The following HECW2 variants were observed in gnomAD, a reference collection of about 807,000 sequenced individuals.
HECW2 encodes HECT, C2 and WW domain containing E3 ubiquitin protein ligase 2, also known as E3 ubiquitin-protein ligase HECW2.
In HECW2, 61 loss-of-function variants were observed where a neutral mutation model predicts 175.2. The observed-to-expected ratio is 0.35, with a 90% confidence interval of 0.28 to 0.43. HECW2 has a LOEUF of 0.43. HECW2 is among the 20% of genes least tolerant of loss of function. HECW2 has a pLI of 1.00. For synonymous variants in HECW2, 671 were observed against 731.0 expected, an observed-to-expected ratio of 0.92 and a Z score of 1.32; for missense variants, 1,524 against 2,000.5, an observed-to-expected ratio of 0.76 and a Z score of 4.54.
chr2:196,225,760 A>G lies in HECW2; in HGVS notation c.4016+12T>C, dbSNP rs1426186353. 2 of 1,529,324 alleles carry G rather than the reference A, an allele frequency of 1.3e-6. No individual in the cohort carries two copies. Among genetic ancestry groups the G allele is most frequent in the Non-Finnish European group, 1.8e-6 (2 of 1,103,632 alleles). The allele number at this position is 1,529,324 out of a possible 1,614,324, so 94.7% of individuals were successfully genotyped here. ...TACATGCTAATTATGCAGGCAATAA[A>G]AATATTCTTACATTCTGAGAAGAGC... On this transcript the variant is annotated intron_variant, in intron 23 of 28. Coordinates refer to ENST00000644978, the MANE Select transcript of HECW2 (RefSeq NM_001348768.2).
chr2:196,240,633 C>G (rs1414257501), intron 20 of HECW2, 71 bp from the exon 21 acceptor site: 2 of 1,324,272 alleles, frequency 1.5e-6, no homozygotes, highest in Non-Finnish European at 2.0e-6. Flanking sequence ...ACTTATCTTT[C>G]TAGAACATTT....
intron 3 of HECW2, among the ~76,000 whole-genome samples, chr2:196,342,000 AG>A (rs781357664): frequency 3.9e-5 from 6 of 152,236 alleles, no homozygotes; most frequent in Non-Finnish European, 8.8e-5. Context: ...TTTAAGTACT[AG>A]TACCCACACA....
At chr2:196,358,432 G>A (rs1693459943) in intron 2 of HECW2, among the ~76,000 whole-genome samples, 1 of 151,514 alleles carries the variant, frequency 6.6e-6, no homozygotes, top group Non-Finnish European at 1.5e-5. Flanking sequence ...AAAATTAGCT[G>A]GGCATGGTGG....
chr2:196,292,582 G>A lies in HECW2; in HGVS notation c.2983C>T (p.His995Tyr), dbSNP rs767370968. Residue 995 changes from histidine to tyrosine, a missense_variant, in exon 14 of 29, where the codon CAT becomes TAT. Transcript: ENST00000644978. ...CGTGTTACCTTGCCCTGGTGATCATGTTTCATTTCCCATCCCCGCGGCAGC... is the reference window on the plus strand; with the variant it reads ...CGTGTTACCTTGCCCTGGTGATCATATTTCATTTCCCATCCCCGCGGCAGC... ...LELPRGWEMKHDHQGKAFFVD... is the reference protein window; with the variant it reads ...LELPRGWEMKYDHQGKAFFVD... 6.2e-7 allele frequency: 1 copy of A among 1,613,534 alleles called. No homozygotes were observed. The highest frequency in any genetic ancestry group is 1.1e-5 in the South Asian group (1 of 91,044).
intron 17 of HECW2, among the ~76,000 whole-genome samples, chr2:196,261,870 A>G (rs140734742): frequency 6.6e-6 from 1 of 152,348 alleles, no homozygotes; most frequent in African/African-American, 2.4e-5. Flanking sequence ...TTCCTTTTAG[A>G]GTGGAAAAAT....
In HECW2 at chr2:196,318,799, C is replaced by A. The variant is rs754361809; in HGVS notation, c.2091G>T (p.Ser697=). Residue 697 remains serine (S), a synonymous_variant, in exon 9 of 29, where the codon TCG becomes TCT. Coordinates refer to ENST00000644978, the MANE Select transcript of HECW2 (RefSeq NM_001348768.2). ...EPTSSGPAEG[S]QESVCTAGSL... ...AACCAGCAGTGCACACGGATTCCTG[C>A]GACCCTTCGGCAGGGCCACTGCTGG... 10 of 1,527,396 alleles carry A rather than the reference C, an allele frequency of 6.5e-6. No individual in the cohort carries two copies. The highest frequency in any genetic ancestry group is 2.3e-5 in the East Asian group (1 of 43,944). 94.6% of individuals were successfully genotyped at this position (1,527,396 alleles called of 1,614,324 possible).
Position 196,319,733 on chromosome 2 carries a change from A to C in HECW2, c.1157T>G (p.Phe386Cys). The change falls in exon 9 of 29, where the codon TTC becomes TGC. Residue 386 changes from phenylalanine (F) to cysteine (C), a missense_variant. Phe to Cys is a radical substitution (Grantham distance 205). This residue lies in a region of HECW2 where 604 missense variants were observed against 588.3 expected (regional missense o/e 1.03). Coordinates refer to ENST00000644978, the MANE Select transcript of HECW2 (RefSeq NM_001348768.2). ...TATTTCCAGAGTGGAGCTAGTCCTG[A>C]ATGAATGCTTGGGGGTTCCATCGGC... ...SAADGTPKHSFRTSSTLEIDT... is the reference protein window; with the variant it reads ...SAADGTPKHSCRTSSTLEIDT... The C allele has an allele frequency of 6.2e-7, 1 of 1,614,182 alleles. No homozygotes were observed. The highest frequency in any genetic ancestry group is 8.5e-7 in the Non-Finnish European group (1 of 1,180,038).
chr2:196,394,324 T>C (rs917908147), intron 2 of HECW2, among the ~76,000 whole-genome samples: 2 of 151,884 alleles, frequency 1.3e-5, no homozygotes, highest in Non-Finnish European at 2.9e-5. Flanking sequence ...GAAAAGAAAA[T>C]GATCCCAGAA....
chr2:196,389,532 A>AT (rs1559082615), intron 2 of HECW2, among the ~76,000 whole-genome samples: 1 of 152,202 alleles, frequency 6.6e-6, no homozygotes, highest in Admixed American at 6.5e-5. Context: ...GGAACACTTT[A>AT]TAACAGAACA....
chr2:196,401,330 C>A (rs1694811904), intron 2 of HECW2, among the ~76,000 whole-genome samples: 2 of 152,080 alleles, frequency 1.3e-5, no homozygotes, highest in African/African-American at 4.8e-5. Flanking sequence ...AGGCATATTG[C>A]AAAGTAGAAG....
intron 2 of HECW2, among the ~76,000 whole-genome samples, chr2:196,417,415 G>T (rs1695284264): frequency 6.6e-6 from 1 of 152,138 alleles, no homozygotes; most frequent in Non-Finnish European, 1.5e-5. Flanking sequence ...CAGTTAGAAA[G>T]AATTTTACAA....
At chr2:196,474,195 T>C (rs1220063271) in intron 1 of HECW2, among the ~76,000 whole-genome samples, 1 of 152,256 alleles carries the variant, frequency 6.6e-6, no homozygotes. Context: ...AAACAGGATA[T>C]AGTTTTGTCA....
At chr2:196,513,153 T>C (rs1041854063) in intron 1 of HECW2, among the ~76,000 whole-genome samples, 2 of 152,218 alleles carry the variant, frequency 1.3e-5, no homozygotes, top group African/African-American at 4.8e-5. Context: ...GTATATTTTA[T>C]AATATTCTAA....
At chr2:196,269,146 A>G (rs1459346529) in intron 17 of HECW2, among the ~76,000 whole-genome samples, 5 of 152,140 alleles carry the variant, frequency 3.3e-5, no homozygotes, top group African/African-American at 4.8e-5. Flanking sequence ...AATTTTTTGT[A>G]GCTTTAGCCT....
chr2:196,510,404 T>G (rs1383265073), intron 1 of HECW2, among the ~76,000 whole-genome samples: 3 of 152,136 alleles, frequency 2.0e-5, no homozygotes, highest in Non-Finnish European at 4.4e-5. Context: ...AATTTCATAG[T>G]CTTACCAGCA....
At position 196,260,207 on chromosome 2, in the gene HECW2, G is replaced by A. The variant is rs1211076291; in HGVS notation, c.3336-2301C>T. 2.0e-5 allele frequency: 3 copies of A among 152,338 alleles called. No individual in the cohort carries two copies. In the East Asian group the frequency reaches 5.8e-4, roughly 29 times the overall value. 9.4% of individuals were successfully genotyped at this position (152,338 alleles called of 1,614,324 possible). On this transcript the variant is annotated intron_variant, in intron 17 of 28. Coordinates refer to ENST00000644978, the MANE Select transcript of HECW2 (RefSeq NM_001348768.2). ...TTCATCACTTTCCAGATAAAAACTA[G>A]CAGTCTGTGAAGGCAACTGGTCTGA...
chr2:196,482,663 T>G (rs1389358553), intron 1 of HECW2, among the ~76,000 whole-genome samples: 2 of 152,174 alleles, frequency 1.3e-5, no homozygotes, highest in African/African-American at 4.8e-5. Flanking sequence ...GGGAGCTGGC[T>G]GCTGAGCATC....
At chr2:196,541,401 G>A (rs1397459902) in intron 1 of HECW2, among the ~76,000 whole-genome samples, 1 of 152,128 alleles carries the variant, frequency 6.6e-6, no homozygotes, top group Non-Finnish European at 1.5e-5. Flanking sequence ...TTTAGTAAAA[G>A]GCGGGTAACT....
At chr2:196,338,621 C>G (rs1197319912) in intron 3 of HECW2, among the ~76,000 whole-genome samples, 1 of 152,118 alleles carries the variant, frequency 6.6e-6, no homozygotes, top group Non-Finnish European at 1.5e-5. Flanking sequence ...AATAGCTACA[C>G]GATTCACTCA....
Sources: gnomAD v4.1 joint callset for allele counts (sites outside exome capture counted in the v4.1 genomes callset) on GRCh38, gnomAD v4.1.1 for gene constraint, gnomAD v4.1.1 regional missense constraint, MANE v1.5 for transcripts, NCBI Gene and HGNC (gene_info 2026-07-23, HGNC 2026-07-21) for gene names.